The following CNTNAP5 variants were observed in gnomAD, a reference collection of about 807,000 sequenced individuals.
The protein encoded by CNTNAP5 is contactin-associated protein-like 5.
Under a neutral mutation model 150.2 loss-of-function variants are expected in CNTNAP5, and 72 were observed. The observed-to-expected ratio is 0.48, with a 90% CI of 0.40 to 0.58. CNTNAP5 has a LOEUF of 0.58. Ranked by LOEUF, CNTNAP5 falls within the 20% of genes least tolerant of loss-of-function variation. The pLI, the probability that CNTNAP5 is intolerant of heterozygous loss-of-function variation, is 0.00. For synonymous variants in CNTNAP5, 672 were observed against 619.8 expected (o/e 1.08, Z -1.25); for missense variants, 1,636 against 1,626.2 (o/e 1.01, Z -0.10).
intron 12 of CNTNAP5, among the ~76,000 whole-genome samples, chr2:124,621,403 T>A (rs1677612007): frequency 6.6e-6 from 1 of 152,196 alleles, no homozygotes; most frequent in Non-Finnish European, 1.5e-5. Context: ...CTCAAACAGC[T>A]CATAATCCAT....
intron 2 of CNTNAP5, among the ~76,000 whole-genome samples, chr2:124,234,569 G>T (rs984178482): frequency 1.3e-4 from 20 of 152,006 alleles, no homozygotes; most frequent in Non-Finnish European, 2.9e-4. Flanking sequence ...AAATGCCTGG[G>T]TGTTTTTATG....
At chr2:124,171,877 G>T (rs572964677) in intron 1 of CNTNAP5, among the ~76,000 whole-genome samples, 1 of 152,110 alleles carries the variant, frequency 6.6e-6, no homozygotes, top group East Asian at 1.9e-4. Flanking sequence ...AGTCTCTTTC[G>T]GCCAGCTTAT....
chr2:124,773,047 C>T (rs752727722), intron 17 of CNTNAP5, 30 bp downstream of exon 17: 2 of 1,563,704 alleles, frequency 1.3e-6, no homozygotes, highest in Admixed American at 3.3e-5. Flanking sequence ...TCCTTTTGTG[C>T]TAAACCCTGC....
intron 19 of CNTNAP5, among the ~76,000 whole-genome samples, chr2:124,861,378 G>T (rs1328280350): frequency 1.3e-5 from 2 of 151,896 alleles, no homozygotes; most frequent in Non-Finnish European, 2.9e-5. Flanking sequence ...ATCAAGAGCA[G>T]CCTCGCCAAG....
intron 13 of CNTNAP5, among the ~76,000 whole-genome samples, chr2:124,651,220 T>C (rs1057118864): frequency 5.9e-5 from 9 of 152,238 alleles, no homozygotes; most frequent in Non-Finnish European, 1.3e-4. Flanking sequence ...TGCTAACTAG[T>C]AGCCAGGGTG....
At chr2:124,761,169 A>G (rs1042637841) in intron 14 of CNTNAP5, among the ~76,000 whole-genome samples, 1 of 152,064 alleles carries the variant, frequency 6.6e-6, no homozygotes, top group East Asian at 1.9e-4. Flanking sequence ...TACCACCATC[A>G]TTTGCATCAT....
At position 124,480,815 on chromosome 2, in the gene CNTNAP5, A is replaced by G. The variant is rs1281279421; in HGVS notation, c.1062+5933A>G. On this transcript the variant is annotated intron_variant, in intron 7 of 23. Coordinates refer to ENST00000682447, the MANE Select transcript of CNTNAP5 (RefSeq NM_001367498.1). Reference sequence around the variant, plus strand: ...CCAGTCGGACATCCACATCACCTGCATCTATGCTGTATGCTCCTCATACCC... The same window carrying G: ...CCAGTCGGACATCCACATCACCTGCGTCTATGCTGTATGCTCCTCATACCC... Among the ~76,000 whole-genome samples the G allele has an allele frequency of 2.6e-5, 4 of 152,160 alleles. No homozygotes were observed. The East Asian group carries it at 7.7e-4, about 29-fold the overall frequency.
intron 3 of CNTNAP5, among the ~76,000 whole-genome samples, chr2:124,363,064 A>C (rs1690261834): frequency 6.6e-6 from 1 of 152,208 alleles, no homozygotes; most frequent in African/African-American, 2.4e-5. Context: ...CACACAAGTA[A>C]GTTTCACTTG....
Position 124,156,542 on chromosome 2 carries a change from C to T in CNTNAP5, c.83-65163C>T, listed in dbSNP as rs537967953. On this transcript the variant is annotated intron_variant, in intron 1 of 23. Transcript: ENST00000682447. Reference sequence around the variant, plus strand: ...ACAGAGTCTCTCTCTGTTGCCCAGGCTGGATTGCAATGCTGTGGTCTTGGC... The same window carrying T: ...ACAGAGTCTCTCTCTGTTGCCCAGGTTGGATTGCAATGCTGTGGTCTTGGC... Among the ~76,000 whole-genome samples the T allele has an allele frequency of 2.8e-4, 43 of 152,252 alleles. No homozygotes were observed. The South Asian group carries it at 8.9e-3, about 32-fold the overall frequency.
At chr2:124,250,666 TG>T (rs1198922108) in intron 3 of CNTNAP5, among the ~76,000 whole-genome samples, 2 of 151,996 alleles carry the variant, frequency 1.3e-5, no homozygotes, top group Non-Finnish European at 2.9e-5. Flanking sequence ...AGGAGGAGCC[TG>T]GGGGAGTTAC....
intron 3 of CNTNAP5, among the ~76,000 whole-genome samples, chr2:124,336,904 T>G (rs1188446398): frequency 1.3e-5 from 2 of 152,262 alleles, no homozygotes; most frequent in African/African-American, 4.8e-5. Context: ...ATGGGATGGC[T>G]GGGTCAAATG....
chr2:124,286,338 G>A (rs979005704), intron 3 of CNTNAP5, among the ~76,000 whole-genome samples: 7 of 152,208 alleles, frequency 4.6e-5, no homozygotes, highest in African/African-American at 1.7e-4. Flanking sequence ...CTTGGAAGCA[G>A]GCATAACTTC....
chr2:124,621,808 C>G (rs1377293839), intron 12 of CNTNAP5, among the ~76,000 whole-genome samples: 1 of 152,068 alleles, frequency 6.6e-6, no homozygotes, highest in East Asian at 1.9e-4. Flanking sequence ...TTCTCCCCAG[C>G]CTTCTTAGGA....
chr2:124,645,566 TC>T (rs34475010), intron 12 of CNTNAP5, among the ~76,000 whole-genome samples: 76,600 of 151,910 alleles, frequency 0.5, 20,612 homozygotes, highest in Non-Finnish European at 0.62. Context: ...AGCCCCTGTA[TC>T]TAAACAATAA....
At chr2:124,190,561 T>G (rs1235561226) in intron 1 of CNTNAP5, among the ~76,000 whole-genome samples, 1 of 152,104 alleles carries the variant, frequency 6.6e-6, no homozygotes, top group Non-Finnish European at 1.5e-5. Flanking sequence ...AATTAAAAAT[T>G]TATGTAGAAA....
chr2:124,069,010 A>G (rs1280224349), intron 1 of CNTNAP5, among the ~76,000 whole-genome samples: 1 of 152,086 alleles, frequency 6.6e-6, no homozygotes, highest in Non-Finnish European at 1.5e-5. Flanking sequence ...GCTTGGCTAC[A>G]GTGTAGTAGA....
intron 7 of CNTNAP5, among the ~76,000 whole-genome samples, chr2:124,491,976 G>A (rs1694040868): frequency 6.6e-6 from 1 of 151,726 alleles, no homozygotes; most frequent in Non-Finnish European, 1.5e-5. Context: ...TTTGTTTTTT[G>A]CTATTGAGTT....
At chr2:124,533,371 G>A (rs1248227985) in intron 10 of CNTNAP5, among the ~76,000 whole-genome samples, 3 of 152,146 alleles carry the variant, frequency 2.0e-5, no homozygotes, top group Admixed American at 2.0e-4. Flanking sequence ...AATTACTGGG[G>A]GTGGAGCCTG....
At chr2:124,131,244 C>CTTA (rs1683836159) in intron 1 of CNTNAP5, among the ~76,000 whole-genome samples, 1 of 152,136 alleles carries the variant, frequency 6.6e-6, no homozygotes, top group Non-Finnish European at 1.5e-5. Context: ...TTATCTCTGC[C>CTTA]TTAGAGCCAT....
Sources: gnomAD v4.1 joint callset for allele counts (sites outside exome capture counted in the v4.1 genomes callset) on GRCh38, gnomAD v4.1.1 for gene constraint, MANE v1.5 for transcripts, NCBI Gene and HGNC (gene_info 2026-07-23, HGNC 2026-07-21) for gene names.